The following SLC41A2 variants were observed in gnomAD, a reference collection of about 807,000 sequenced individuals.
SLC41A2 encodes SLC41A1-like 1.
A neutral mutation model predicts 58.3 loss-of-function variants in SLC41A2; 32 were observed. That is an observed-to-expected ratio of 0.55 (90% CI 0.41 to 0.74). The LOEUF is 0.74. SLC41A2 is among the 30% of genes least tolerant of loss of function. The probability of loss-of-function intolerance (pLI) is 0.00; values close to 1 mark genes in which losing one functional copy is unlikely to be tolerated. For synonymous variants in SLC41A2, 190 were observed against 235.0 expected (o/e 0.81, Z 1.75); for missense variants, 514 against 680.6 (o/e 0.76, Z 2.72).
chr12:104,813,782 C>T (rs1462717480), intron 10 of SLC41A2, among the ~76,000 whole-genome samples: 11 of 152,026 alleles, frequency 7.2e-5, no homozygotes, highest in African/African-American at 1.9e-4. Context: ...ACTACAGGTG[C>T]GCACCACCAC....
chr12:104,851,511 G>A (rs1475510293), intron 8 of SLC41A2, among the ~76,000 whole-genome samples: 2 of 152,002 alleles, frequency 1.3e-5, no homozygotes, highest in South Asian at 2.1e-4. Context: ...AGCCGCTTGC[G>A]TAGCTGGGAC....
At chr12:104,900,871 T>G (rs2045525773) in intron 3 of SLC41A2, among the ~76,000 whole-genome samples, 1 of 152,234 alleles carries the variant, frequency 6.6e-6, no homozygotes, top group South Asian at 2.1e-4. Flanking sequence ...GAAATCTAAC[T>G]TAAAGTTACT....
chr12:104,941,768 C>T (rs2047520690), intron 1 of SLC41A2, among the ~76,000 whole-genome samples: 1 of 152,192 alleles, frequency 6.6e-6, no homozygotes, highest in Non-Finnish European at 1.5e-5. Flanking sequence ...GCATGTGGGG[C>T]TTAAAACCTA....
intron 10 of SLC41A2, among the ~76,000 whole-genome samples, chr12:104,823,378 C>A (rs1332148426): frequency 6.6e-6 from 1 of 151,800 alleles, no homozygotes; most frequent in Admixed American, 6.6e-5. Flanking sequence ...AAACTAAAAT[C>A]AACAACAAGT....
chr12:104,848,896 C>CCA (rs3039361), intron 8 of SLC41A2, among the ~76,000 whole-genome samples: 21,207 of 147,078 alleles, frequency 0.14, 1,515 homozygotes, highest in East Asian at 0.22. Context: ...AACTTGATAA[C>CCA]CACACACACA....
intron 1 of SLC41A2, among the ~76,000 whole-genome samples, chr12:104,947,385 G>A (rs1469186585): frequency 6.6e-6 from 1 of 151,372 alleles, no homozygotes; most frequent in Non-Finnish European, 1.5e-5. Context: ...TGTATTTTTA[G>A]TAGAGACAAA....
Position 104,802,554 on chromosome 12 carries a change from C to A in SLC41A2, c.*2598G>T, listed in dbSNP as rs574956413. 2 of 152,136 alleles carry A rather than the reference C, an allele frequency of 1.3e-5. No homozygotes were observed. Among genetic ancestry groups the A allele is most frequent in the Non-Finnish European group, 2.9e-5 (2 of 68,012 alleles). 9.4% of individuals were successfully genotyped at this position (152,136 alleles called of 1,614,324 possible). On this transcript the variant is annotated 3_prime_UTR_variant, in exon 11 of 11. Transcript: ENST00000258538. The stretch of plus-strand genomic sequence containing the variant: ...AGCAAAAGAGAAAGGAGACAGAACT[C>A]TATCAGTCATTGTATTTATTTACCA...
intron 1 of SLC41A2, among the ~76,000 whole-genome samples, chr12:104,954,380 C>A (rs2048068337): frequency 1.3e-5 from 2 of 152,186 alleles, no homozygotes; most frequent in African/African-American, 4.8e-5. Flanking sequence ...AGTGTCCCTA[C>A]CCTCATCTAC....
At position 104,865,458 on chromosome 12, in the gene SLC41A2, A is replaced by G. The variant is rs76874332; in HGVS notation, c.1175+974T>C. Among the ~76,000 whole-genome samples, 1,305 of 152,254 alleles carry G rather than the reference A, an allele frequency of 8.6e-3. 17 individuals carry two copies. The highest frequency in any genetic ancestry group is 0.029 in the African/African-American group (1,197 of 41,538). On this transcript the variant is annotated intron_variant, in intron 7 of 10. Coordinates refer to ENST00000258538, the MANE Select transcript of SLC41A2 (RefSeq NM_001352171.3). ...TGCTCCTTACCTAAACTTTCAACCA[A>G]TCTTCCTCATTGCAGCTTTCAGATG... is the stretch of plus-strand genomic sequence containing the variant.
At chr12:104,898,943 A>T (rs1257227822) in intron 3 of SLC41A2, among the ~76,000 whole-genome samples, 9 of 152,182 alleles carry the variant, frequency 5.9e-5, no homozygotes, top group Admixed American at 5.9e-4. Context: ...ACACCTATTA[A>T]AATAGCCAAA....
rs1046137390 is a variant in SLC41A2, at chr12:104,947,252, G to A, written c.-168+10836C>T. ...AGAGTTTCATTCTGTCACCGAGGCTGGAGTGCGGTGGTGCTATCTCGGTTC... is the reference window on the plus strand; with the variant it reads ...AGAGTTTCATTCTGTCACCGAGGCTAGAGTGCGGTGGTGCTATCTCGGTTC... On this transcript the variant is annotated intron_variant, in intron 1 of 10. Transcript: ENST00000258538. Among the ~76,000 whole-genome samples the A allele has an allele frequency of 9.8e-5, 13 of 132,386 alleles. No individual in the cohort carries two copies. In the East Asian group the frequency reaches 1.7e-3, roughly 18 times the overall value. 86.9% of individuals were successfully genotyped at this position (132,386 alleles called of 152,430 possible).
intron 8 of SLC41A2, among the ~76,000 whole-genome samples, chr12:104,848,667 C>T (rs1422884947): frequency 6.6e-6 from 1 of 151,854 alleles, no homozygotes. Flanking sequence ...CAAATCAAAT[C>T]CAGCAAAACA....
chr12:104,899,385 G>A (rs963431836), intron 3 of SLC41A2, among the ~76,000 whole-genome samples: 2 of 152,110 alleles, frequency 1.3e-5, no homozygotes, highest in African/African-American at 4.8e-5. Context: ...ACCAGACAGT[G>A]TAGATAACAT....
At chr12:104,843,860 T>TATA (rs1351871042) in intron 10 of SLC41A2, among the ~76,000 whole-genome samples, 3 of 152,168 alleles carry the variant, frequency 2.0e-5, no homozygotes, top group Admixed American at 6.5e-5. Context: ...CTTATAATGC[T>TATA]TCTGAGCATA....
chr12:104,910,823 T>G (rs1191428324), intron 2 of SLC41A2, among the ~76,000 whole-genome samples: 1 of 152,216 alleles, frequency 6.6e-6, no homozygotes, highest in African/African-American at 2.4e-5. Flanking sequence ...TTTGACATAT[T>G]TTTAATGGCC....
intron 8 of SLC41A2, among the ~76,000 whole-genome samples, chr12:104,847,480 CT>C (rs2042643544): frequency 6.6e-6 from 1 of 151,776 alleles, no homozygotes; most frequent in South Asian, 2.1e-4. Flanking sequence ...TGGCGCGTGC[CT>C]GTAATCCCAG....
chr12:104,945,564 A>C (rs2047685770), intron 1 of SLC41A2, among the ~76,000 whole-genome samples: 1 of 150,572 alleles, frequency 6.6e-6, no homozygotes, highest in South Asian at 2.1e-4. Flanking sequence ...GTTTATCCTG[A>C]AAATCCACCA....
chr12:104,826,407 C>G (rs2041846857), intron 10 of SLC41A2, among the ~76,000 whole-genome samples: 1 of 152,220 alleles, frequency 6.6e-6, no homozygotes, highest in South Asian at 2.1e-4. Context: ...CAATCCCGAC[C>G]TTTGCCGACA....
At chr12:104,907,432 C>T (rs1248390821) in intron 3 of SLC41A2, among the ~76,000 whole-genome samples, 1 of 152,078 alleles carries the variant, frequency 6.6e-6, no homozygotes, top group East Asian at 1.9e-4. Flanking sequence ...ACTGATACCC[C>T]CAAACATCAT....
Sources: gnomAD v4.1 joint callset for allele counts (sites outside exome capture counted in the v4.1 genomes callset) on GRCh38, gnomAD v4.1.1 for gene constraint, MANE v1.5 for transcripts, NCBI Gene and HGNC (gene_info 2026-07-23, HGNC 2026-07-21) for gene names.